Variants in CDH13 observed in about 807,000 individuals in gnomAD.
The protein encoded by CDH13 is cadherin 13.
Under a neutral mutation model 63.8 loss-of-function variants are expected in CDH13, and 24 were observed. The observed-to-expected ratio is 0.38, with a 90% CI of 0.27 to 0.53. The LOEUF (loss-of-function observed/expected upper bound fraction) is 0.53, where lower values mean the gene tolerates loss of function less well. Among genes scored for constraint, CDH13 ranks in the 20% least tolerant of loss-of-function variants. The pLI is 0.85. For synonymous variants in CDH13, 503 were observed against 355.3 expected (o/e 1.42, Z -4.67); for missense variants, 1,049 against 903.1 (o/e 1.16, Z -2.07).
At chr16:83,075,518 C>T (rs1005575414) in intron 3 of CDH13, among the ~76,000 whole-genome samples, 1 of 152,152 alleles carries the variant, frequency 6.6e-6, no homozygotes, top group Non-Finnish European at 1.5e-5. Flanking sequence ...GCAAAGGGAA[C>T]AGGGTTGTGG....
At chr16:83,689,280 A>G (rs944265582) in intron 10 of CDH13, among the ~76,000 whole-genome samples, 3 of 152,086 alleles carry the variant, frequency 2.0e-5, no homozygotes, top group African/African-American at 7.2e-5. Flanking sequence ...TGTTAAATCT[A>G]CTTAGCTTTT....
intron 6 of CDH13, among the ~76,000 whole-genome samples, chr16:83,469,516 C>G (rs1162413802): frequency 6.6e-6 from 1 of 152,206 alleles, no homozygotes; most frequent in Admixed American, 6.5e-5. Context: ...CAAGAGTCAC[C>G]TTACATCCAC....
intron 4 of CDH13, chr16:83,171,684 T>G: frequency 1.2e-6 from 1 of 830,752 alleles, no homozygotes; most frequent in Non-Finnish European, 2.0e-6. Flanking sequence ...GCATGCTCTT[T>G]GGCAGGCACG....
chr16:82,974,414 G>A (rs151022155), intron 2 of CDH13, among the ~76,000 whole-genome samples: 2 of 152,048 alleles, frequency 1.3e-5, no homozygotes, highest in East Asian at 1.9e-4. Flanking sequence ...TACCCTTTAC[G>A]ATTCACATGC....
chr16:82,770,777 G>A (rs141269649), intron 1 of CDH13, among the ~76,000 whole-genome samples: 55 of 152,132 alleles, frequency 3.6e-4, no homozygotes, highest in African/African-American at 9.6e-4. Context: ...GCGTGATCTC[G>A]GCTCACTGCA....
At chr16:83,001,382 G>A (rs965219157) in intron 2 of CDH13, among the ~76,000 whole-genome samples, 2 of 152,190 alleles carry the variant, frequency 1.3e-5, no homozygotes, top group Admixed American at 6.5e-5. Flanking sequence ...TCAAGTGAGG[G>A]TTATTCAGCA....
chr16:83,010,135 C>CAAAAAAAAAAAAAAAAAAAAAA (rs67985333), intron 2 of CDH13, among the ~76,000 whole-genome samples: 5 of 50,118 alleles, frequency 1.0e-4, no homozygotes, highest in Admixed American at 3.1e-4. Context: ...AACTCTGTCT[C>CAAAAAAAAAAAAAAAAAAAAAA]AAAAAAAAAA....
At chr16:83,075,900 A>T (rs990915167) in intron 3 of CDH13, among the ~76,000 whole-genome samples, 1 of 152,196 alleles carries the variant, frequency 6.6e-6, no homozygotes, top group Non-Finnish European at 1.5e-5. Flanking sequence ...TGCTGCAAAA[A>T]TCCTCTAAAC....
intron 1 of CDH13, among the ~76,000 whole-genome samples, chr16:82,728,178 G>A (rs1361906373): frequency 6.6e-6 from 1 of 152,108 alleles, no homozygotes; most frequent in Non-Finnish European, 1.5e-5. Flanking sequence ...ATGTTCTCTG[G>A]CATTAAAAAC....
At chr16:83,587,301 TGGG>T (rs1409009481) in intron 7 of CDH13, among the ~76,000 whole-genome samples, 1 of 152,158 alleles carries the variant, frequency 6.6e-6, no homozygotes, top group African/African-American at 2.4e-5. Flanking sequence ...CTGAAATTAG[TGGG>T]CAGGGACCAT....
At chr16:83,275,551 A>C (rs1368052871) in intron 5 of CDH13, among the ~76,000 whole-genome samples, 1 of 138,492 alleles carries the variant, frequency 7.2e-6, no homozygotes, top group Admixed American at 7.5e-5. Flanking sequence ...AGAGAGATGG[A>C]GAAGATGCAG....
intron 6 of CDH13, among the ~76,000 whole-genome samples, chr16:83,406,791 T>G (rs2092054941): frequency 6.6e-6 from 1 of 152,164 alleles, no homozygotes; most frequent in Non-Finnish European, 1.5e-5. Flanking sequence ...TAGCTGAGGA[T>G]TCTGTAACAA....
At chr16:83,579,534 A>G (rs1278722318) in intron 7 of CDH13, among the ~76,000 whole-genome samples, 1 of 152,074 alleles carries the variant, frequency 6.6e-6, no homozygotes, top group Admixed American at 6.5e-5. Context: ...AGAACTCACT[A>G]TCATGAGACC....
chr16:82,871,527 A>C (rs1376152611), intron 2 of CDH13, among the ~76,000 whole-genome samples: 1 of 152,214 alleles, frequency 6.6e-6, no homozygotes, highest in Admixed American at 6.5e-5. Context: ...AGAGAAGCAG[A>C]ATCACTGGAG....
chr16:83,396,507 C>G (rs1047657218), intron 6 of CDH13: 6 of 152,136 alleles, frequency 3.9e-5, no homozygotes, highest in Non-Finnish European at 7.3e-5. Context: ...CCCTTCTCCT[C>G]TTTTTTGTAT....
In CDH13 at chr16:82,698,005, C is replaced by T. The variant is rs767459706; in HGVS notation, c.45+70868C>T. On this transcript the variant is annotated intron_variant, in intron 1 of 13. Coordinates refer to ENST00000567109, the MANE Select transcript of CDH13 (RefSeq NM_001257.5). ...ATATGGCTGCATGTTAATGTTCCAG[C>T]GCAGTGATTGGCACATAGGGGCTAT... 2.0e-4 allele frequency among the ~76,000 whole-genome samples: 30 copies of T among 151,940 alleles called. 1 individual carries two copies. Among genetic ancestry groups the T allele is most frequent in the Admixed American group, 1.6e-3 (24 of 15,266 alleles).
At chr16:83,338,889 C>G (rs2090660734) in intron 5 of CDH13, among the ~76,000 whole-genome samples, 1 of 152,160 alleles carries the variant, frequency 6.6e-6, no homozygotes, top group South Asian at 2.1e-4. Context: ...AAAGACTTGT[C>G]AAAGCAAAGG....
chr16:83,262,796 A>C (rs937069594), intron 5 of CDH13, among the ~76,000 whole-genome samples: 4 of 152,204 alleles, frequency 2.6e-5, no homozygotes, highest in Non-Finnish European at 2.9e-5. Context: ...TGTTTCTCAA[A>C]TATTTGGGGT....
At chr16:83,498,177 G>C (rs944746419) in intron 7 of CDH13, among the ~76,000 whole-genome samples, 3 of 152,186 alleles carry the variant, frequency 2.0e-5, no homozygotes, top group Admixed American at 6.5e-5. Context: ...TGAGAGGAGA[G>C]GGGGCAAGGG....
Sources: allele counts gnomAD v4.1 joint callset (sites outside exome capture counted in the v4.1 genomes callset), GRCh38; gene constraint gnomAD v4.1.1; transcripts MANE v1.5; gene names NCBI Gene and HGNC (gene_info 2026-07-23, HGNC 2026-07-21).